FANCM: variants seen among roughly 807,000 people sequenced by gnomAD.
FANCM encodes the protein FA complementation group M, also known as Fanconi anemia group M protein.
In FANCM, 140 loss-of-function variants were observed where a neutral mutation model predicts 199.5. The observed-to-expected ratio is 0.70, with a 90% CI of 0.61 to 0.81. The LOEUF (loss-of-function observed/expected upper bound fraction) is 0.81. FANCM is among the 30% of genes least tolerant of loss of function. The pLI is 0.00. For synonymous variants in FANCM, 840 were observed against 836.8 expected (o/e 1.00, Z -0.07); for missense variants, 2,410 against 2,421.4 (o/e 1.00, Z 0.10).
chr14:45,195,626 A>G (rs182587871), intron 20 of FANCM: 146 of 449,842 alleles, frequency 3.2e-4, no homozygotes, highest in African/African-American at 2.5e-3. Flanking sequence ...TCTCACTTCC[A>G]TGTTGTTTTT....
At chr14:45,173,625 A>G (rs2139236648) in intron 13 of FANCM, among the ~76,000 whole-genome samples, 1 of 152,318 alleles carries the variant, frequency 6.6e-6, no homozygotes, top group South Asian at 2.1e-4. Flanking sequence ...TAGTGAACCA[A>G]TTATGAGTGT....
intron 2 of FANCM, among the ~76,000 whole-genome samples, chr14:45,139,473 G>C (rs1347068583): frequency 1.3e-5 from 2 of 152,112 alleles, no homozygotes; most frequent in African/African-American, 2.4e-5. Flanking sequence ...CTACTTGGAA[G>C]TGCATTTTCC....
At position 45,136,611 on chromosome 14, in the gene FANCM, A is replaced by G. The variant is rs1885531731; in HGVS notation, c.508+72A>G. ...ACCCATGTGGAATAGTTCCCAAGCT[A>G]CAACATGTGCATCTTACGCCCTCCC... On this transcript the variant is annotated intron_variant, in intron 1 of 22. Transcript: ENST00000267430. 8 of 1,430,216 alleles carry G rather than the reference A, an allele frequency of 5.6e-6. No individual in the cohort carries two copies. In the Admixed American group the frequency reaches 1.3e-4, roughly 24 times the overall value. The allele number at this position is 1,430,216 out of a possible 1,614,324, so 88.6% of individuals were successfully genotyped here. A position where few individuals can be genotyped will look rare whatever the true frequency, so the allele number is the denominator to read the frequency against.
At position 45,175,104 on chromosome 14, in the gene FANCM, T is replaced by C. The variant is rs1456994807; in HGVS notation, c.2350T>C (p.Tyr784His). 6.2e-7 allele frequency: 1 copy of C among 1,611,940 alleles called. No individual in the cohort carries two copies. Among genetic ancestry groups the C allele is most frequent in the East Asian group, 2.2e-5 (1 of 44,704 alleles). The change falls in exon 14 of 23, where the codon TAT (tyrosine) becomes CAT (histidine). Residue 784 changes from tyrosine (Y) to histidine (H), a missense_variant. Coordinates refer to ENST00000267430, the MANE Select transcript of FANCM (RefSeq NM_020937.4). ...CAGCTATGAATTGGAAGTTGAATCTTATTTACAAATGGAAGATGTTACCTC... is the reference window on the plus strand; with the variant it reads ...CAGCTATGAATTGGAAGTTGAATCTCATTTACAAATGGAAGATGTTACCTC... ...ECSYELEVES[Y>H]LQMEDVTSTF...
Position 45,136,338 on chromosome 14 carries a change from C to A in FANCM, c.307C>A (p.Leu103Met). The A allele has an allele frequency of 6.2e-7, 1 of 1,614,182 alleles. No homozygotes were observed. The highest frequency in any genetic ancestry group is 1.1e-5 in the South Asian group (1 of 91,092). ...DYQLHISRAA[L>M]FCNTLVCLPT... ...CCAGCTGCACATTTCCCGGGCTGCT[C>A]TGTTTTGCAATACGCTGGTGTGTCT... Residue 103 changes from leucine (L) to methionine (M), a missense_variant, in exon 1 of 23, where the codon CTG (leucine) becomes ATG (methionine). Physicochemically the swap from Leu to Met is conservative, Grantham distance 15. Coordinates refer to ENST00000267430, the MANE Select transcript of FANCM (RefSeq NM_020937.4).
Position 45,169,110 on chromosome 14 carries a change from C to T in FANCM, c.2003-1479C>T, listed in dbSNP as rs563788295. Among the ~76,000 whole-genome samples the T allele has an allele frequency of 1.5e-4, 22 of 151,530 alleles. No individual in the cohort carries two copies. In the South Asian group the frequency reaches 2.9e-3, roughly 20 times the overall value. On this transcript the variant is annotated intron_variant, in intron 11 of 22. Coordinates refer to ENST00000267430, the MANE Select transcript of FANCM (RefSeq NM_020937.4). Reference sequence around the variant, plus strand: ...CTCATTTTTACGTTTTTAGTAGAGACGGGGTTTCTCCGTGTTGGCCAGGCT... The same window carrying T: ...CTCATTTTTACGTTTTTAGTAGAGATGGGGTTTCTCCGTGTTGGCCAGGCT...
At chr14:45,181,779 A>G (rs1270092794) in intron 16 of FANCM, 74 bp downstream of exon 16, 11 of 847,528 alleles carry the variant, frequency 1.3e-5, no homozygotes, top group Non-Finnish European at 1.8e-5. Flanking sequence ...ATATATGTGT[A>G]GATAAATATA....
chr14:45,180,570 T>C (rs1256224035), intron 14 of FANCM, among the ~76,000 whole-genome samples: 2 of 152,034 alleles, frequency 1.3e-5, no homozygotes, highest in Non-Finnish European at 2.9e-5. Context: ...CCTCAGCCAC[T>C]GGGACCACAG....
chr14:45,146,601 C>T (rs918336379), intron 3 of FANCM, among the ~76,000 whole-genome samples: 1 of 151,796 alleles, frequency 6.6e-6, no homozygotes, highest in Non-Finnish European at 1.5e-5. Flanking sequence ...GAGGCCGAGG[C>T]GGGTGGATCA....
chr14:45,141,437 C>G (rs1351783579), intron 3 of FANCM, among the ~76,000 whole-genome samples: 1 of 151,236 alleles, frequency 6.6e-6, no homozygotes, highest in Non-Finnish European at 1.5e-5. Context: ...CTACAACCTG[C>G]CTAGCTTTTT....
At chr14:45,147,897 G>GCC (rs369490952) in intron 3 of FANCM, among the ~76,000 whole-genome samples, 4,460 of 125,790 alleles carry the variant, frequency 0.035, 250 homozygotes, top group African/African-American at 0.13. Flanking sequence ...GTTCCAAACC[G>GCC]CCCCCCCCCC....
chr14:45,176,387 A>T lies in FANCM; in HGVS notation c.3633A>T (p.Glu1211Asp). Residue 1211 changes from glutamate (E) to aspartate (D), a missense_variant, in exon 14 of 23, where the codon GAA (glutamate) becomes GAT (aspartate). Coordinates refer to ENST00000267430, the MANE Select transcript of FANCM (RefSeq NM_020937.4). ...CTCGTGATCAGAGAGGTGTACAGGA[A>T]GAAAAAGTGAAGAATCATGAGGATA... ...FKSRDQRGVQ[E>D]EKVKNHEDIF... The T allele has an allele frequency of 6.2e-7, 1 of 1,613,044 alleles. No homozygotes were observed. Among genetic ancestry groups the T allele is most frequent in the South Asian group, 1.1e-5 (1 of 91,078 alleles).
intron 2 of FANCM, among the ~76,000 whole-genome samples, chr14:45,139,853 C>T (rs576825442): frequency 8.4e-4 from 127 of 152,046 alleles, no homozygotes; most frequent in African/African-American, 2.9e-3. Context: ...GGTATGCTGG[C>T]GCATACCTGT....
intron 19 of FANCM, among the ~76,000 whole-genome samples, chr14:45,188,495 A>G (rs1450500484): frequency 1.3e-5 from 2 of 152,180 alleles, no homozygotes; most frequent in Non-Finnish European, 2.9e-5. Context: ...TCAGCTTGGT[A>G]ATGTGTACTC....
At position 45,167,056 on chromosome 14, in the gene FANCM, G is replaced by A. The variant is rs757274359; in HGVS notation, c.1895G>A (p.Gly632Glu). ...YQRSPRMVPDGINPKLHKMFI... is the reference protein window; with the variant it reads ...YQRSPRMVPDEINPKLHKMFI... ...AGAAGTCCACGAATGGTTCCTGATG[G>A]AATCAACCCAAAATTACACAAAATG... Residue 632 changes from glycine to glutamate, a missense_variant, in exon 11 of 23, where the codon GGA becomes GAA. Physicochemically the swap from Gly to Glu is moderately conservative, Grantham distance 98. Transcript: ENST00000267430. 7 of 1,612,868 alleles carry A rather than the reference G, an allele frequency of 4.3e-6. No individual in the cohort carries two copies. The Admixed American group carries it at 1.0e-4, about 23-fold the overall frequency.
chr14:45,169,308 G>C (rs1385601821), intron 11 of FANCM, among the ~76,000 whole-genome samples: 1 of 151,890 alleles, frequency 6.6e-6, no homozygotes, highest in Non-Finnish European at 1.5e-5. Context: ...AGGGGCCTGA[G>C]AGATCATTTA....
chr14:45,173,303 C>CAAAGTA, intron 13 of FANCM, 93 bp downstream of exon 13: 2 of 1,163,000 alleles, frequency 1.7e-6, no homozygotes, highest in Non-Finnish European at 2.6e-6. Flanking sequence ...ATAAGAAATA[C>CAAAGTA]TTTGTTTTTC....
chr14:45,199,689 T>G (rs181403412), intron 22 of FANCM, among the ~76,000 whole-genome samples, 181 bp from the exon 23 acceptor site: 1 of 152,322 alleles, frequency 6.6e-6, no homozygotes, highest in East Asian at 1.9e-4. Flanking sequence ...TCTAGATAAT[T>G]TTAAGGAAAG....
At chr14:45,188,284 A>G (rs567343340) in intron 19 of FANCM, among the ~76,000 whole-genome samples, 40 of 152,348 alleles carry the variant, frequency 2.6e-4, no homozygotes, top group African/African-American at 9.4e-4. Flanking sequence ...GGTTGCAATG[A>G]GCCAAGATTG....
Sources: gnomAD v4.1 joint callset for allele counts (sites outside exome capture counted in the v4.1 genomes callset) on GRCh38, gnomAD v4.1.1 for gene constraint, MANE v1.5 for transcripts, NCBI Gene and HGNC (gene_info 2026-07-23, HGNC 2026-07-21) for gene names.